PITPNC1: variants seen among roughly 807,000 people sequenced by gnomAD.
The protein encoded by PITPNC1 is phosphatidylinositol transfer protein cytoplasmic 1, also known as cytoplasmic phosphatidylinositol transfer protein 1.
PITPNC1 carries 18 observed loss-of-function variants against 44.7 expected under a neutral mutation model. The observed-to-expected ratio is 0.40, with a 90% confidence interval of 0.28 to 0.60. PITPNC1 has a LOEUF of 0.60. Among genes scored for constraint, PITPNC1 ranks in the 20% least tolerant of loss-of-function variants. The pLI, the probability that PITPNC1 is intolerant of heterozygous loss-of-function variation, is 0.39. For missense variants in PITPNC1, 290 were observed against 418.4 expected (o/e 0.69, Z 2.68); for synonymous variants, 141 against 149.6 (o/e 0.94, Z 0.42).
At chr17:67,631,633 ACC>A (rs1343214070) in intron 5 of PITPNC1, among the ~76,000 whole-genome samples, 7,546 of 13,476 alleles carry the variant, frequency 0.56, 3,193 homozygotes, top group East Asian at 0.75. Context: ...CGTCTCAAAA[ACC>A]AAAAAAAAAA....
intron 1 of PITPNC1, among the ~76,000 whole-genome samples, chr17:67,415,460 T>G (rs2038573363): frequency 6.6e-6 from 1 of 152,218 alleles, no homozygotes; most frequent in African/African-American, 2.4e-5. Flanking sequence ...AGCCCCTTTG[T>G]GTGACATTTA....
At chr17:67,458,146 C>G (rs2039281879) in intron 1 of PITPNC1, among the ~76,000 whole-genome samples, 1 of 152,190 alleles carries the variant, frequency 6.6e-6, no homozygotes, top group Admixed American at 6.6e-5. Context: ...CCTTTCTTCT[C>G]TCTCCATCAT....
intron 8 of PITPNC1, among the ~76,000 whole-genome samples, chr17:67,690,615 A>G (rs1032513049): frequency 6.6e-6 from 1 of 152,160 alleles, no homozygotes; most frequent in African/African-American, 2.4e-5. Flanking sequence ...GTGGACAAGA[A>G]ACAATGAAAA....
chr17:67,475,787 G>A (rs1372174814), intron 1 of PITPNC1, among the ~76,000 whole-genome samples: 4 of 152,178 alleles, frequency 2.6e-5, no homozygotes, highest in Admixed American at 6.5e-5. Context: ...TTCAGTGCCA[G>A]GAATCCATAG....
intron 1 of PITPNC1, among the ~76,000 whole-genome samples, chr17:67,416,175 A>G (rs988062803): frequency 3.7e-5 from 5 of 134,400 alleles, no homozygotes; most frequent in Non-Finnish European, 6.4e-5. Context: ...ATAAATTTAA[A>G]TCTCCCTTTC....
Position 67,554,566 on chromosome 17 carries a change from T to C in PITPNC1, c.294+949T>C, listed in dbSNP as rs570033997. On this transcript the variant is annotated intron_variant, in intron 4 of 8. Coordinates refer to ENST00000581322, the MANE Select transcript of PITPNC1 (RefSeq NM_012417.4). ...AGCCACCACACCTGGCTAATAGTTATGATTTTCTGAGCTGTGTTAAGAGTT... is the reference window on the plus strand; with the variant it reads ...AGCCACCACACCTGGCTAATAGTTACGATTTTCTGAGCTGTGTTAAGAGTT... Among the ~76,000 whole-genome samples, 41 of 152,288 alleles carry C rather than the reference T, an allele frequency of 2.7e-4. No individual in the cohort carries two copies. The South Asian group carries it at 5.0e-3, about 18-fold the overall frequency.
chr17:67,671,694 A>T (rs2042515245), intron 7 of PITPNC1, among the ~76,000 whole-genome samples: 1 of 152,184 alleles, frequency 6.6e-6, no homozygotes, highest in South Asian at 2.1e-4. Context: ...CCAGCCAGCC[A>T]GGAGCCAGAA....
intron 1 of PITPNC1, among the ~76,000 whole-genome samples, chr17:67,460,719 C>CT (rs2039323357): frequency 7.0e-6 from 1 of 142,686 alleles, no homozygotes; most frequent in South Asian, 2.4e-4. Flanking sequence ...CCGGCCCTTT[C>CT]TTTTTTCTTT....
intron 3 of PITPNC1, 105 bp downstream of exon 3, chr17:67,552,450 A>T: frequency 1.4e-6 from 1 of 709,574 alleles, no homozygotes; most frequent in Non-Finnish European, 2.5e-6. Context: ...GCCTTGTGGG[A>T]GCCCCGTAGT....
At chr17:67,505,262 A>G (rs1325799852) in intron 1 of PITPNC1, among the ~76,000 whole-genome samples, 1 of 152,126 alleles carries the variant, frequency 6.6e-6, no homozygotes, top group Non-Finnish European at 1.5e-5. Flanking sequence ...TTCTGTTTCC[A>G]TGTTGATCTT....
In PITPNC1 at chr17:67,646,173, C is replaced by A. The variant is rs572363773; in HGVS notation, c.462+13935C>A. The stretch of plus-strand genomic sequence containing the variant: ...AGACTCTGGTAGCTGTCCACCAGGT[C>A]CTCTGGCTAAATCTTCTCCAAGCCC... On this transcript the variant is annotated intron_variant, in intron 6 of 8. Coordinates refer to ENST00000581322, the MANE Select transcript of PITPNC1 (RefSeq NM_012417.4). 5.6e-4 allele frequency among the ~76,000 whole-genome samples: 86 copies of A among 152,280 alleles called. 1 individual carries two copies. Among genetic ancestry groups the A allele is most frequent in the Middle Eastern group, 3.4e-3 (1 of 294 alleles).
At chr17:67,436,906 G>GGGT (rs2038944480) in intron 1 of PITPNC1, among the ~76,000 whole-genome samples, 1 of 123,578 alleles carries the variant, frequency 8.1e-6, no homozygotes, top group Non-Finnish European at 1.7e-5. Context: ...GAAAATAGGG[G>GGGT]TGTTTTTTTT....
chr17:67,421,578 A>G (rs1461633416), intron 1 of PITPNC1, among the ~76,000 whole-genome samples: 4 of 152,100 alleles, frequency 2.6e-5, no homozygotes, highest in African/African-American at 9.7e-5. Context: ...CCACTGTACC[A>G]GGCTAGAATG....
intron 8 of PITPNC1, 67 bp from the exon 9 acceptor site, chr17:67,692,505 A>G: frequency 9.4e-7 from 1 of 1,065,256 alleles, no homozygotes; most frequent in Non-Finnish European, 1.4e-6. Flanking sequence ...AAACAAGGGT[A>G]GTGATGAATC....
intron 1 of PITPNC1, among the ~76,000 whole-genome samples, chr17:67,520,237 C>G (rs745817854): frequency 6.6e-6 from 1 of 152,154 alleles, no homozygotes; most frequent in Non-Finnish European, 1.5e-5. Flanking sequence ...ATGGACCTCT[C>G]TGCTGCGAAC....
intron 1 of PITPNC1, among the ~76,000 whole-genome samples, chr17:67,391,158 A>AG: frequency 6.6e-6 from 1 of 151,628 alleles, no homozygotes; most frequent in South Asian, 2.1e-4. Context: ...AGAAAAAAAA[A>AG]TCAACCCTTT....
At chr17:67,459,484 TG>T (rs144762655) in intron 1 of PITPNC1, among the ~76,000 whole-genome samples, 3,302 of 152,316 alleles carry the variant, frequency 0.022, 123 homozygotes, top group African/African-American at 0.074. Flanking sequence ...TTTGTCCACT[TG>T]GGTTTTAAAT....
Position 67,423,675 on chromosome 17 carries a change from T to G in PITPNC1, c.48+45473T>G, listed in dbSNP as rs1211592660. ...ATAAGGATGGATGTGCGCCCAGGTA[T>G]GTCTTTGTGGGTTTCCATCCTATAG... On this transcript the variant is annotated intron_variant, in intron 1 of 8. Coordinates refer to ENST00000581322, the MANE Select transcript of PITPNC1 (RefSeq NM_012417.4). Among the ~76,000 whole-genome samples, 4 of 152,276 alleles carry G rather than the reference T, an allele frequency of 2.6e-5. No individual in the cohort carries two copies. The East Asian group carries it at 7.7e-4, about 29-fold the overall frequency.
chr17:67,564,648 A>G (rs1424275623), intron 4 of PITPNC1, among the ~76,000 whole-genome samples: 2 of 152,168 alleles, frequency 1.3e-5, no homozygotes, highest in African/African-American at 4.8e-5. Context: ...CCTAAAATTA[A>G]CCATCATAGT....
Sources: allele counts gnomAD v4.1 joint callset (sites outside exome capture counted in the v4.1 genomes callset), GRCh38; gene constraint gnomAD v4.1.1; transcripts MANE v1.5; gene names NCBI Gene and HGNC (gene_info 2026-07-23, HGNC 2026-07-21).